CES5A: variants seen among roughly 807,000 people sequenced by gnomAD.
The protein encoded by CES5A is carboxylesterase 5A, also known as carboxylesterase 5.
A neutral mutation model predicts 62.9 loss-of-function variants in CES5A; 67 were observed. The ratio of observed to expected loss-of-function variants is 1.07; its 90% CI spans 0.88 to 1.31. CES5A has a LOEUF of 1.31. CES5A is among the 50% of genes most tolerant of loss of function. The pLI is 0.00. For synonymous variants in CES5A, 296 were observed against 280.8 expected (o/e 1.05, Z -0.54); for missense variants, 748 against 708.5 (o/e 1.06, Z -0.63).
At chr16:55,927,969 C>G (rs1461915600), upstream of CES5A, among the ~76,000 whole-genome samples, 2 of 152,198 alleles carry the variant, frequency 1.3e-5, no homozygotes, top group Admixed American at 6.5e-5. Flanking sequence ...TGAGGCTGGG[C>G]GCGGTGGCTC....
intron 1 of CES5A, among the ~76,000 whole-genome samples, chr16:55,898,279 A>G (rs2033954488): frequency 6.6e-6 from 1 of 152,200 alleles, no homozygotes; most frequent in Non-Finnish European, 1.5e-5. Flanking sequence ...AGATGCATCA[A>G]GAAACTCTGA....
At chr16:55,850,265 A>C (rs1470788684) in intron 10 of CES5A, among the ~76,000 whole-genome samples, 1 of 152,222 alleles carries the variant, frequency 6.6e-6, no homozygotes, top group Non-Finnish European at 1.5e-5. Flanking sequence ...TAAAGTATAT[A>C]ATTCAGCGGT....
At chr16:55,906,884 C>T (rs1484815254) in intron 1 of CES5A, among the ~76,000 whole-genome samples, 3 of 152,136 alleles carry the variant, frequency 2.0e-5, no homozygotes, top group South Asian at 2.1e-4. Context: ...TCAGATGAAT[C>T]GACAGTCCCA....
chr16:55,875,421 T>G, upstream of CES5A: 1 of 1,297,096 alleles, frequency 7.7e-7, no homozygotes, highest in Non-Finnish European at 1.0e-6. Context: ...CTGATTTACA[T>G]AAGAAGCTGA....
chr16:55,902,189 C>A (rs2033996720), intron 1 of CES5A, among the ~76,000 whole-genome samples: 2 of 152,106 alleles, frequency 1.3e-5, no homozygotes, highest in Non-Finnish European at 2.9e-5. Context: ...CAGCCGGCAG[C>A]AGGGGATGAG....
chr16:55,887,410 C>T (rs1173507130), intron 1 of CES5A, among the ~76,000 whole-genome samples: 1 of 150,556 alleles, frequency 6.6e-6, no homozygotes, highest in Non-Finnish European at 1.5e-5. Context: ...AGTTACTACA[C>T]TGATTATCAT....
At position 55,875,136 on chromosome 16, in the gene CES5A, T is replaced by C. The variant is rs376151014; in HGVS notation, c.73+13A>G. On this transcript the variant is annotated intron_variant, in intron 1 of 12. Coordinates refer to ENST00000290567, the MANE Select transcript of CES5A (RefSeq NM_001143685.2). ...ATCTTCTGAGAGCCCTCCTTTCCCA[T>C]TGGATATCTCACCTTTGGTGGGGGC... The C allele has an allele frequency of 8.1e-6, 13 of 1,613,064 alleles. No individual in the cohort carries two copies. In the African/African-American group the frequency reaches 1.2e-4, roughly 15 times the overall value.
At chr16:55,871,108 A>C (rs1463794513) in intron 3 of CES5A, among the ~76,000 whole-genome samples, 1 of 152,234 alleles carries the variant, frequency 6.6e-6, no homozygotes, top group Non-Finnish European at 1.5e-5. Context: ...GATACAAGAC[A>C]GCCAGTTTCC....
At chr16:55,926,083 C>G (rs1395508242), upstream of CES5A, among the ~76,000 whole-genome samples, 13 of 152,106 alleles carry the variant, frequency 8.5e-5, no homozygotes, top group African/African-American at 2.7e-4. Flanking sequence ...TAGTTTATAA[C>G]ATTCTATCAT....
chr16:55,876,314 C>T (rs1300783929), upstream of CES5A, among the ~76,000 whole-genome samples: 4 of 152,188 alleles, frequency 2.6e-5, no homozygotes, highest in East Asian at 7.7e-4. Context: ...ATTGTATCTA[C>T]CTAGTGCAAT....
chr16:55,852,772 C>T, intron 10 of CES5A, 109 bp downstream of exon 10: 1 of 1,271,028 alleles, frequency 7.9e-7, no homozygotes, highest in Non-Finnish European at 1.1e-6. Context: ...ATGCACTTTC[C>T]ATGATAGAAC....
At chr16:55,919,451 G>A (rs1309533028) in intron 1 of CES5A, among the ~76,000 whole-genome samples, 1 of 152,122 alleles carries the variant, frequency 6.6e-6, no homozygotes, top group East Asian at 1.9e-4. Context: ...CTTTAGCCAG[G>A]ATTCCCTACC....
intron 10 of CES5A, among the ~76,000 whole-genome samples, chr16:55,850,154 C>T (rs185780242): frequency 5.9e-5 from 9 of 152,338 alleles, no homozygotes; most frequent in Admixed American, 5.2e-4. Context: ...AATAATTGTA[C>T]TATGAATATT....
At chr16:55,931,058 AG>A (rs1195108798) in intron 2 of CES5A, among the ~76,000 whole-genome samples, 6 of 152,238 alleles carry the variant, frequency 3.9e-5, no homozygotes, top group African/African-American at 1.4e-4. Flanking sequence ...GGAGAAATCA[AG>A]GCCCAGGTAG....
chr16:55,917,916 A>T (rs949789992), intron 1 of CES5A, among the ~76,000 whole-genome samples: 1 of 152,156 alleles, frequency 6.6e-6, no homozygotes, highest in East Asian at 1.9e-4. Flanking sequence ...ATGTAGCAGC[A>T]TTGTCATAAT....
chr16:55,896,311 G>A (rs12597985), intron 1 of CES5A, among the ~76,000 whole-genome samples: 48,792 of 152,006 alleles, frequency 0.32, 8,558 homozygotes, highest in East Asian at 0.5. Context: ...TGACATGTGG[G>A]TAGTATGGGA....
chr16:55,871,334 C>T lies in CES5A; in HGVS notation c.417+291G>A, dbSNP rs1014249067. Among the ~76,000 whole-genome samples the T allele has an allele frequency of 2.0e-5, 3 of 152,158 alleles. 1 individual carries two copies. Among genetic ancestry groups the T allele is most frequent in the African/African-American group, 7.2e-5 (3 of 41,440 alleles). On this transcript the variant is annotated intron_variant, in intron 3 of 12. Coordinates refer to ENST00000290567, the MANE Select transcript of CES5A (RefSeq NM_001143685.2). The stretch of plus-strand genomic sequence containing the variant: ...TCAAATTTAAGAAAAAAGTCAGATT[C>T]CTTTTAAGCAGTGTCTTTTCTGAAA...
chr16:55,938,292 A>G (rs2034399828), intron 2 of CES5A, among the ~76,000 whole-genome samples: 1 of 152,292 alleles, frequency 6.6e-6, no homozygotes, highest in South Asian at 2.1e-4. Context: ...CTCTGGCTCC[A>G]TACTGAGACC....
At chr16:55,899,297 T>A (rs1158728710) in intron 1 of CES5A, among the ~76,000 whole-genome samples, 1 of 152,158 alleles carries the variant, frequency 6.6e-6, no homozygotes, top group Non-Finnish European at 1.5e-5. Flanking sequence ...CTCATTGCCA[T>A]TATAATGGGA....
Sources: allele counts gnomAD v4.1 joint callset (sites outside exome capture counted in the v4.1 genomes callset), GRCh38; gene constraint gnomAD v4.1.1; transcripts MANE v1.5; gene names NCBI Gene and HGNC (gene_info 2026-07-23, HGNC 2026-07-21).